Variants in FOCAD observed in about 807,000 individuals in gnomAD.
FOCAD encodes the protein focadhesin.
In FOCAD, 198 loss-of-function variants were observed where a neutral mutation model predicts 225.6. The ratio of observed to expected loss-of-function variants is 0.88; its 90% CI spans 0.78 to 0.99. The LOEUF (loss-of-function observed/expected upper bound fraction) is 0.99. Among genes scored for constraint, FOCAD ranks in the 50% least tolerant of loss-of-function variants. FOCAD has a pLI of 0.00. For synonymous variants in FOCAD, 897 were observed against 755.0 expected, an observed-to-expected ratio of 1.19 and a Z score of -3.08; for missense variants, 2,713 against 2,123.6, an observed-to-expected ratio of 1.28 and a Z score of -5.46.
chr9:20,814,165 C>T (rs1823392661), intron 11 of FOCAD, among the ~76,000 whole-genome samples: 1 of 152,126 alleles, frequency 6.6e-6, no homozygotes, highest in Non-Finnish European at 1.5e-5. Context: ...TTTGATTGAG[C>T]AGTTTAATCC....
chr9:20,843,563 C>G (rs1256929469), intron 15 of FOCAD, among the ~76,000 whole-genome samples: 1 of 151,900 alleles, frequency 6.6e-6, no homozygotes, highest in Non-Finnish European at 1.5e-5. Flanking sequence ...GAGTTTGATT[C>G]TTAAATGTCT....
rs767780488 is a variant in FOCAD at position 20,778,752 on chromosome 9, G to C, written c.978G>C (p.Lys326Asn). 3 of 1,606,784 alleles carry C rather than the reference G, an allele frequency of 1.9e-6. No individual in the cohort carries two copies. The highest frequency in any genetic ancestry group is 3.3e-5 in the Admixed American group (2 of 59,984). Reference protein sequence around the residue: ...LLLQTPASQQKPILNLALKLL... With the variant: ...LLLQTPASQQNPILNLALKLL... ...TACAGACTCCAGCAAGTCAGCAGAA[G>C]CCAATCTTAAATCTAGGTAAATAAA... is the stretch of plus-strand genomic sequence containing the variant. Residue 326 changes from lysine (K) to asparagine (N), a missense_variant, in exon 9 of 44, where the codon AAG (lysine) becomes AAC (asparagine). Lys to Asn is a moderately conservative substitution (Grantham distance 94, BLOSUM62 0). Transcript: ENST00000338382.
chr9:20,840,646 T>C (rs1418856621), intron 15 of FOCAD, among the ~76,000 whole-genome samples: 2 of 151,928 alleles, frequency 1.3e-5, no homozygotes, highest in East Asian at 1.9e-4. Context: ...CTTTAGGTTT[T>C]TTTCCAATAT....
chr9:20,951,281 AG>A (rs779208065), intron 34 of FOCAD, among the ~76,000 whole-genome samples, 183 bp downstream of exon 34: 1 of 152,192 alleles, frequency 6.6e-6, no homozygotes, highest in Non-Finnish European at 1.5e-5. Context: ...GTCATGTGAC[AG>A]TAAGTGATGG....
At chr9:20,831,892 T>A (rs1825530225) in intron 15 of FOCAD, among the ~76,000 whole-genome samples, 1 of 152,058 alleles carries the variant, frequency 6.6e-6, no homozygotes. Flanking sequence ...GAACCAGCAA[T>A]CTACTTTCCG....
chr9:20,798,277 A>T (rs563145862), intron 11 of FOCAD, among the ~76,000 whole-genome samples: 7 of 152,084 alleles, frequency 4.6e-5, no homozygotes, highest in African/African-American at 9.6e-5. Context: ...TTTTGCATGG[A>T]TGTTCATCAG....
chr9:20,819,170 G>T (rs898951805), intron 11 of FOCAD, among the ~76,000 whole-genome samples: 1 of 152,086 alleles, frequency 6.6e-6, no homozygotes, highest in Non-Finnish European at 1.5e-5. Flanking sequence ...CATACCTTAA[G>T]TGTTGGCTGT....
Position 20,867,006 on chromosome 9 carries a change from T to C in FOCAD, c.2184T>C (p.Pro728=). 1 of 1,550,558 alleles carries C rather than the reference T, an allele frequency of 6.4e-7. No homozygotes were observed. The highest frequency in any genetic ancestry group is 8.8e-7 in the Non-Finnish European group (1 of 1,140,860). ...GAGAACACACCATTCTTCATCTGCC[T>C]GAAAAGGTAGGCATATCTGCTTTCT... is the stretch of plus-strand genomic sequence containing the variant. ...SAGEHTILHL[P]EKIRPEIPIP... Residue 728 remains proline, a synonymous_variant, in exon 18 of 44, where the codon CCT becomes CCC. Transcript: ENST00000338382.
rs1373090880 is a variant in FOCAD, at chr9:20,760,840, G to T, written c.494+2649G>T. Among the ~76,000 whole-genome samples, 5 of 152,174 alleles carry T rather than the reference G, an allele frequency of 3.3e-5. No homozygotes were observed. The South Asian group carries it at 6.2e-4, about 19-fold the overall frequency. On this transcript the variant is annotated intron_variant, in intron 6 of 43. Coordinates refer to ENST00000338382, the MANE Select transcript of FOCAD (RefSeq NM_001375567.1). ...TTGAATTTCTTTAAATGAGGTTGCA[G>T]TGAGCGGAGATTGTACCACTGCACT... is the stretch of plus-strand genomic sequence containing the variant.
intron 21 of FOCAD, among the ~76,000 whole-genome samples, chr9:20,886,378 C>T (rs562789428): frequency 3.4e-4 from 51 of 152,112 alleles, no homozygotes; most frequent in African/African-American, 1.2e-3. Flanking sequence ...AAGGGAGAAA[C>T]GTGGTACCTT....
At chr9:20,818,277 C>T (rs1823942966) in intron 11 of FOCAD, among the ~76,000 whole-genome samples, 1 of 151,988 alleles carries the variant, frequency 6.6e-6, no homozygotes, top group Non-Finnish European at 1.5e-5. Flanking sequence ...GGGTACAAAT[C>T]TCTTATTAGC....
chr9:20,896,209 C>A (rs1209925340), intron 21 of FOCAD, among the ~76,000 whole-genome samples: 2 of 151,738 alleles, frequency 1.3e-5, no homozygotes, highest in Non-Finnish European at 2.9e-5. Flanking sequence ...GTACCAAAAT[C>A]CATGTGGTTG....
At chr9:20,708,388 C>T (rs1008827077) in intron 1 of FOCAD, among the ~76,000 whole-genome samples, 1 of 151,950 alleles carries the variant, frequency 6.6e-6, no homozygotes, top group Admixed American at 6.6e-5. Flanking sequence ...AACATAGAGC[C>T]CATTAATGTG....
chr9:20,907,376 A>T (rs1833067477), intron 22 of FOCAD, 134 bp downstream of exon 22: 2 of 745,068 alleles, frequency 2.7e-6, no homozygotes, highest in Admixed American at 4.2e-5. Context: ...TTTTACTCAT[A>T]AAAGAATGTG....
At chr9:20,923,573 G>T (rs539352831) in intron 24 of FOCAD, 87 bp from the exon 25 acceptor site, 3 of 926,778 alleles carry the variant, frequency 3.2e-6, no homozygotes, top group Admixed American at 2.3e-5. Flanking sequence ...GTTGCTTTTT[G>T]ACTTCACCTG....
chr9:20,777,309 T>G (rs1818862604), intron 8 of FOCAD, among the ~76,000 whole-genome samples: 1 of 148,788 alleles, frequency 6.7e-6, no homozygotes, highest in African/African-American at 2.4e-5. Flanking sequence ...TGTGGGTTTT[T>G]TTTTTTTTTT....
chr9:20,694,677 G>A (rs954447911), intron 1 of FOCAD: 43 of 152,024 alleles, frequency 2.8e-4, no homozygotes, highest in African/African-American at 9.9e-4. Flanking sequence ...GATTAATAGG[G>A]AATATAGTAA....
At chr9:20,782,941 G>C (rs1182136761) in intron 10 of FOCAD, among the ~76,000 whole-genome samples, 1 of 152,186 alleles carries the variant, frequency 6.6e-6, no homozygotes, top group African/African-American at 2.4e-5. Context: ...CTTGAAACAG[G>C]TAATCGATTT....
intron 29 of FOCAD, among the ~76,000 whole-genome samples, chr9:20,945,766 GT>G (rs926924717): frequency 7.9e-5 from 12 of 151,502 alleles, no homozygotes; most frequent in East Asian, 7.8e-4. Flanking sequence ...TAAGCAAGCA[GT>G]TTTTTTTTCT....
Sources: gnomAD v4.1 joint callset for allele counts (sites outside exome capture counted in the v4.1 genomes callset) on GRCh38, gnomAD v4.1.1 for gene constraint, MANE v1.5 for transcripts, NCBI Gene and HGNC (gene_info 2026-07-23, HGNC 2026-07-21) for gene names.